DCDC2C: variants seen among roughly 807,000 people sequenced by gnomAD.
DCDC2C encodes doublecortin domain containing 2C.
A neutral mutation model predicts 45.0 loss-of-function variants in DCDC2C; 44 were observed. The ratio of observed to expected loss-of-function variants is 0.98; its 90% confidence interval spans 0.77 to 1.26. DCDC2C has a LOEUF of 1.26. Ranked by LOEUF, DCDC2C falls within the 50% of genes most tolerant of loss-of-function variation. The pLI is 0.00. For synonymous variants in DCDC2C, 187 were observed against 178.8 expected (o/e 1.05, Z -0.37); for missense variants, 447 against 468.9 (o/e 0.95, Z 0.43).
At chr2:3,831,903 C>A (rs555264994) in intron 10 of DCDC2C, among the ~76,000 whole-genome samples, 1 of 152,204 alleles carries the variant, frequency 6.6e-6, no homozygotes, top group South Asian at 2.1e-4. Context: ...GAAAACCATG[C>A]GCGAATGGAA....
At chr2:3,767,091 C>T (rs902386277) in intron 6 of DCDC2C, among the ~76,000 whole-genome samples, 5 of 152,224 alleles carry the variant, frequency 3.3e-5, no homozygotes, top group Non-Finnish European at 7.3e-5. Flanking sequence ...CCATGATGTT[C>T]AGTAGGCTAG....
chr2:3,707,631 G>A (rs1006458249), intron 1 of DCDC2C, among the ~76,000 whole-genome samples: 3 of 152,212 alleles, frequency 2.0e-5, no homozygotes, highest in African/African-American at 7.2e-5. Context: ...CAGAGGACTT[G>A]GTTGTAGCTG....
intron 10 of DCDC2C, among the ~76,000 whole-genome samples, chr2:3,827,352 G>A (rs1450683968): frequency 6.6e-6 from 1 of 152,094 alleles, no homozygotes; most frequent in Non-Finnish European, 1.5e-5. Flanking sequence ...GTTGGAAGCA[G>A]CAGCCTGGGA....
chr2:3,777,817 A>G (rs1670388453), intron 8 of DCDC2C, among the ~76,000 whole-genome samples: 1 of 152,212 alleles, frequency 6.6e-6, no homozygotes, highest in African/African-American at 2.4e-5. Context: ...TTGGGTCTTC[A>G]TGGCTCATTA....
intron 9 of DCDC2C, among the ~76,000 whole-genome samples, chr2:3,782,730 T>A (rs912361937): frequency 6.6e-6 from 1 of 152,170 alleles, no homozygotes; most frequent in African/African-American, 2.4e-5. Flanking sequence ...CCACCCACGT[T>A]GGCCTCCCAA....
chr2:3,800,352 G>A (rs957563800), intron 10 of DCDC2C, among the ~76,000 whole-genome samples: 2 of 152,222 alleles, frequency 1.3e-5, no homozygotes, highest in Non-Finnish European at 2.9e-5. Context: ...TCTGGGAGCT[G>A]TAGACCAGAG....
intron 4 of DCDC2C, among the ~76,000 whole-genome samples, chr2:3,748,785 C>T (rs1669449679): frequency 6.6e-6 from 1 of 152,094 alleles, no homozygotes; most frequent in Non-Finnish European, 1.5e-5. Context: ...TATTTGTGGA[C>T]TTGTCATCTC....
chr2:3,716,936 C>G (rs759372088), intron 2 of DCDC2C, among the ~76,000 whole-genome samples: 14 of 152,304 alleles, frequency 9.2e-5, no homozygotes, highest in Admixed American at 2.0e-4. Flanking sequence ...GTTTACCCAT[C>G]CATCAGGTGG....
intron 10 of DCDC2C, among the ~76,000 whole-genome samples, chr2:3,830,907 C>T (rs185960587): frequency 3.7e-4 from 57 of 152,176 alleles, no homozygotes; most frequent in African/African-American, 1.2e-3. Flanking sequence ...CTTTGTTGGC[C>T]GAACTCACTC....
intron 10 of DCDC2C, among the ~76,000 whole-genome samples, chr2:3,798,333 G>A (rs1253835364): frequency 6.6e-6 from 1 of 151,092 alleles, no homozygotes; most frequent in East Asian, 1.9e-4. Context: ...CAATTTGCCA[G>A]TCTGTGTCTT....
chr2:3,785,800 C>T (rs183739272), intron 10 of DCDC2C, among the ~76,000 whole-genome samples: 107 of 152,264 alleles, frequency 7.0e-4, no homozygotes, highest in African/African-American at 2.5e-3. Context: ...CCGCAAAGGA[C>T]GTGAGCCCTG....
In DCDC2C at chr2:3,826,847, A is replaced by T. The variant is rs114071789; in HGVS notation, c.1066-20307A>T. ...ATGAGATTACCTGATAGTAAGGATT[A>T]CCTAATGCCATGTGCATTGCATCTC... On this transcript the variant is annotated intron_variant, in intron 10 of 10. Transcript: ENST00000399143. 5.7e-3 allele frequency among the ~76,000 whole-genome samples: 870 copies of T among 152,218 alleles called. 10 individuals carry two copies. Among genetic ancestry groups the T allele is most frequent in the African/African-American group, 0.02 (828 of 41,530 alleles).
At position 3,743,082 on chromosome 2, in the gene DCDC2C, A is replaced by G. The variant is rs1669261789; in HGVS notation, c.545+1034A>G. 2.0e-5 allele frequency among the ~76,000 whole-genome samples: 3 copies of G among 152,360 alleles called. No homozygotes were observed. In the South Asian group the frequency reaches 6.2e-4, roughly 32 times the overall value. On this transcript the variant is annotated intron_variant, in intron 4 of 10. Coordinates refer to ENST00000399143, the MANE Select transcript of DCDC2C (RefSeq NM_001287444.2). ...AAAATATCCCATGCAAGTGGAAACC[A>G]AAAGAGAACAGGGGCAGCTGGACTT...
At chr2:3,712,356 T>C (rs1405641568) in intron 2 of DCDC2C, among the ~76,000 whole-genome samples, 2 of 152,040 alleles carry the variant, frequency 1.3e-5, no homozygotes. Flanking sequence ...AGAGACAGTA[T>C]AATACCTAAC....
At chr2:3,718,024 C>T (rs1252646953) in intron 2 of DCDC2C, among the ~76,000 whole-genome samples, 1 of 152,220 alleles carries the variant, frequency 6.6e-6, no homozygotes, top group Non-Finnish European at 1.5e-5. Context: ...GCCCCTGGCA[C>T]CTGGCACTGT....
intron 6 of DCDC2C, among the ~76,000 whole-genome samples, chr2:3,757,275 A>G (rs1370822224): frequency 6.6e-6 from 1 of 152,114 alleles, no homozygotes; most frequent in East Asian, 1.9e-4. Context: ...TTGCCACAAC[A>G]TCTTTTTGGA....
At chr2:3,755,591 ATATG>A (rs1558211404) in intron 6 of DCDC2C, among the ~76,000 whole-genome samples, 1 of 151,958 alleles carries the variant, frequency 6.6e-6, no homozygotes, top group African/African-American at 2.4e-5. Context: ...ATATGGATGT[ATATG>A]TGTGTATGCA....
chr2:3,717,702 C>T (rs1668384347), intron 2 of DCDC2C, among the ~76,000 whole-genome samples: 2 of 152,186 alleles, frequency 1.3e-5, no homozygotes, highest in Admixed American at 1.3e-4. Context: ...GTTACCATGA[C>T]GTTTAAGGCC....
At chr2:3,812,123 A>C (rs1221338407) in intron 10 of DCDC2C, among the ~76,000 whole-genome samples, 2 of 151,970 alleles carry the variant, frequency 1.3e-5, no homozygotes, top group Non-Finnish European at 2.9e-5. Flanking sequence ...CCTCATTTTC[A>C]ATTGTTTGGA....
Sources: gnomAD v4.1 joint callset for allele counts (sites outside exome capture counted in the v4.1 genomes callset) on GRCh38, gnomAD v4.1.1 for gene constraint, MANE v1.5 for transcripts, NCBI Gene and HGNC (gene_info 2026-07-23, HGNC 2026-07-21) for gene names.